Variants in CNOT9 observed in about 807,000 individuals in gnomAD.
CNOT9 encodes RCD1 required for cell differentiation1 homolog.
Under a neutral mutation model 37.4 loss-of-function variants are expected in CNOT9, and 8 were observed. The observed-to-expected ratio is 0.21, with a 90% CI of 0.13 to 0.39. The LOEUF (loss-of-function observed/expected upper bound fraction) is 0.39. Among genes scored for constraint, CNOT9 ranks in the 10% least tolerant of loss-of-function variants. The pLI is 1.00. For synonymous variants in CNOT9, 120 were observed against 137.6 expected (o/e 0.87, Z 0.90); for missense variants, 154 against 365.3 (o/e 0.42, Z 4.71).
At chr2:218,575,097 T>A (rs1467196696) in intron 1 of CNOT9, among the ~76,000 whole-genome samples, 1 of 152,206 alleles carries the variant, frequency 6.6e-6, no homozygotes, top group Non-Finnish European at 1.5e-5. Context: ...GTTTGGAAAG[T>A]TAAATGACTT....
Position 218,592,639 on chromosome 2 carries a change from C to G in CNOT9, c.663C>G (p.Ser221=), listed in dbSNP as rs763404235. The G allele has an allele frequency of 3.1e-6, 5 of 1,614,142 alleles. No homozygotes were observed. Among genetic ancestry groups the G allele is most frequent in the Admixed American group, 3.3e-5 (2 of 60,020 alleles). The change falls in exon 7 of 8, where the codon TCC becomes TCG. Residue 221 remains serine (S), a synonymous_variant. Coordinates refer to ENST00000273064, the MANE Select transcript of CNOT9 (RefSeq NM_005444.3). This position sits in a 1 kb window ranked among gnomAD's most constrained non-coding sequence, Gnocchi z 4.1. ...MILGKMVLQL[S]KEPSARLLKH... is the part of the protein sequence containing the mutation. The stretch of plus-strand genomic sequence containing the variant: ...AGGGTAAGATGGTCCTGCAGCTATC[C>G]AAAGAGCCTTCTGCCCGTCTGCTGA...
chr2:218,591,509 C>T (rs1473105394), intron 5 of CNOT9, among the ~76,000 whole-genome samples: 1 of 152,068 alleles, frequency 6.6e-6, no homozygotes, highest in Non-Finnish European at 1.5e-5. Context: ...TTTGGTAGGC[C>T]AAGGCAGGTG....
At position 218,594,249 on chromosome 2, in the gene CNOT9, C is replaced by T. The variant is rs752577244; in HGVS notation, c.873C>T (p.Pro291=). The T allele has an allele frequency of 1.2e-6, 2 of 1,613,148 alleles. No homozygotes were observed. Among genetic ancestry groups the T allele is most frequent in the South Asian group, 1.1e-5 (1 of 90,964 alleles). The stretch of plus-strand genomic sequence containing the variant: ...TGCAAGAGGGCCAGGTCACCGATCC[C>T]CGGGGTATCCCCCTGCCCCCTCAGT... ...KNLQEGQVTD[P]RGIPLPPQ The change falls in exon 8 of 8, where the codon CCC becomes CCT. Residue 291 remains proline (P), a synonymous_variant. Transcript: ENST00000273064.
chr2:218,586,164 A>C (rs147241903), intron 4 of CNOT9, among the ~76,000 whole-genome samples: 1 of 152,176 alleles, frequency 6.6e-6, no homozygotes, highest in Non-Finnish European at 1.5e-5. Flanking sequence ...AGTAATTCCA[A>C]CAAAATCCCA....
intron 1 of CNOT9, chr2:218,572,571 C>A: frequency 2.1e-6 from 1 of 469,408 alleles, no homozygotes; most frequent in Non-Finnish European, 2.8e-6. Context: ...TTCCAGGCTG[C>A]AGTGAGCCAT....
At chr2:218,582,477 T>A (rs1694424228) in intron 2 of CNOT9, among the ~76,000 whole-genome samples, 1 of 152,018 alleles carries the variant, frequency 6.6e-6, no homozygotes, top group South Asian at 2.1e-4. Context: ...GATCACGAGG[T>A]CAGCAGATCG....
intron 5 of CNOT9, among the ~76,000 whole-genome samples, chr2:218,589,583 G>A (rs1359176621): frequency 2.0e-5 from 3 of 152,162 alleles, no homozygotes; most frequent in Non-Finnish European, 2.9e-5. Flanking sequence ...GGATCTTCCT[G>A]CCTTCTGCCG....
chr2:218,571,651 A>G (rs1008739280), intron 1 of CNOT9, among the ~76,000 whole-genome samples: 3 of 151,012 alleles, frequency 2.0e-5, no homozygotes, highest in Non-Finnish European at 2.9e-5. Context: ...AGCTCACAGC[A>G]ATCTCCGCCT....
At chr2:218,588,614 T>TTTTTTTTG (rs1694674039) in intron 5 of CNOT9, among the ~76,000 whole-genome samples, 1 of 116,272 alleles carries the variant, frequency 8.6e-6, no homozygotes, top group Admixed American at 9.8e-5. Flanking sequence ...TTTTTTTTTT[T>TTTTTTTTG]GAGATGGAGT....
rs2106102898 is a variant in CNOT9 at position 218,595,474 on chromosome 2, T to C, written c.*1198T>C. ...TCTATGGGAATTACAGGGTTGCCGC[T>C]AAAATATTCACTTGTTCATATCGTG... On this transcript the variant is annotated 3_prime_UTR_variant, in exon 8 of 8. Coordinates refer to ENST00000273064, the MANE Select transcript of CNOT9 (RefSeq NM_005444.3). 7.7e-6 allele frequency: 1 copy of C among 129,254 alleles called. No homozygotes were observed. Among genetic ancestry groups the C allele is most frequent in the South Asian group, 2.7e-4 (1 of 3,726 alleles). 8.0% of individuals were successfully genotyped at this position (129,254 alleles called of 1,614,324 possible). A position where few individuals can be genotyped will look rare whatever the true frequency, so the allele number is the denominator to read the frequency against.
chr2:218,592,466 C>T lies in CNOT9; in HGVS notation c.639+64C>T. ...ATCACAAAGCTTAATCTCTTTATAA[C>T]TGGCATTGAACAACTTCAGTCCTCT... On this transcript the variant is annotated intron_variant, in intron 6 of 7. Coordinates refer to ENST00000273064, the MANE Select transcript of CNOT9 (RefSeq NM_005444.3). This position sits in a 1 kb window ranked among gnomAD's most constrained non-coding sequence, Gnocchi z 4.1. The T allele has an allele frequency of 6.6e-7, 1 of 1,505,330 alleles. No individual in the cohort carries two copies. The highest frequency in any genetic ancestry group is 1.4e-5 in the African/African-American group (1 of 72,734). 93.2% of individuals were successfully genotyped at this position (1,505,330 alleles called of 1,614,324 possible).
At chr2:218,589,116 T>C (rs1694692703) in intron 5 of CNOT9, 1 of 152,136 alleles carries the variant, frequency 6.6e-6, no homozygotes, top group Admixed American at 6.5e-5. Context: ...AAATTTGCCT[T>C]GTCACATTAA....
intron 5 of CNOT9, among the ~76,000 whole-genome samples, chr2:218,591,351 A>G (rs1259265283): frequency 1.3e-5 from 2 of 152,258 alleles, no homozygotes; most frequent in African/African-American, 4.8e-5. Flanking sequence ...TTGAGGCCAC[A>G]TATAAGCTTC....
At chr2:218,576,713 A>G (rs924330240) in intron 1 of CNOT9, among the ~76,000 whole-genome samples, 2 of 152,214 alleles carry the variant, frequency 1.3e-5, no homozygotes, top group African/African-American at 2.4e-5. Context: ...TATACCTGCA[A>G]TTCCAGCACT....
chr2:218,582,684 C>T (rs775269849), intron 2 of CNOT9, among the ~76,000 whole-genome samples: 4 of 148,844 alleles, frequency 2.7e-5, no homozygotes, highest in Non-Finnish European at 5.9e-5. Context: ...AGCGAGACTC[C>T]GTCTCAAAAA....
In CNOT9 at chr2:218,593,076, A is replaced by G. The variant is rs1419242353; in HGVS notation, c.731+369A>G. The G allele has an allele frequency of 2.0e-5, 5 of 248,770 alleles. No homozygotes were observed. In the South Asian group the frequency reaches 2.0e-4, roughly 10 times the overall value. The allele number at this position is 248,770 out of a possible 1,614,324, so 15.4% of individuals were successfully genotyped here. A position where few individuals can be genotyped will look rare whatever the true frequency, so the allele number is the denominator to read the frequency against. On this transcript the variant is annotated intron_variant, in intron 7 of 7. Coordinates refer to ENST00000273064, the MANE Select transcript of CNOT9 (RefSeq NM_005444.3). ...GGAACACAGCCCAGAGGGCTCTTGA[A>G]TTCTATTTCCAATTCTGTCCTTGAT...
chr2:218,591,183 A>C (rs766282437), intron 5 of CNOT9, among the ~76,000 whole-genome samples: 5 of 152,224 alleles, frequency 3.3e-5, no homozygotes, highest in Admixed American at 6.5e-5. Flanking sequence ...AGCCTACTAC[A>C]GTGTTATAAC....
At chr2:218,586,481 A>C (rs1464134047) in intron 4 of CNOT9, among the ~76,000 whole-genome samples, 2 of 148,184 alleles carry the variant, frequency 1.3e-5, no homozygotes, top group East Asian at 3.9e-4. Context: ...TGGCACCCTG[A>C]TCTCAGCTTT....
intron 4 of CNOT9, 157 bp from the exon 5 acceptor site, chr2:218,587,427 CTT>C (rs61564091): frequency 1.6e-4 from 155 of 980,126 alleles, no homozygotes; most frequent in East Asian, 5.0e-4. Flanking sequence ...CGCCCTCTTC[CTT>C]TTTTTTTTTA....
Sources: allele counts gnomAD v4.1 joint callset (sites outside exome capture counted in the v4.1 genomes callset), GRCh38; gene constraint gnomAD v4.1.1; non-coding constraint Gnocchi (gnomAD v3.1); transcripts MANE v1.5; gene names NCBI Gene and HGNC (gene_info 2026-07-23, HGNC 2026-07-21).